Variants in ZNF548 observed in about 807,000 individuals in gnomAD.
ZNF548 encodes the protein zinc finger protein 548.
In ZNF548, 10 loss-of-function variants were observed where a neutral mutation model predicts 10.2. The observed-to-expected ratio is 0.98, with a 90% CI of 0.60 to 1.66. ZNF548 has a LOEUF of 1.66. Ranked by LOEUF, ZNF548 falls within the 40% of genes most tolerant of loss-of-function variation. The probability of loss-of-function intolerance (pLI) is 0.00; values close to 1 mark genes in which losing one functional copy is unlikely to be tolerated. For missense variants in ZNF548, 599 were observed against 657.0 expected (o/e 0.91, Z 0.97); for synonymous variants, 217 against 223.5 (o/e 0.97, Z 0.26).
chr19:57,397,230 C>G, intron 3 of ZNF548, 56 bp downstream of exon 3: 1 of 1,496,434 alleles, frequency 6.7e-7, no homozygotes, highest in Non-Finnish European at 8.9e-7. Flanking sequence ...CCCCTTTTTA[C>G]CCAAAGGCAG....
chr19:57,398,037 A>C lies in ZNF548; in HGVS notation c.179-393A>C, dbSNP rs538897362. On this transcript the variant is annotated intron_variant, in intron 3 of 3. Coordinates refer to ENST00000336128, the MANE Select transcript of ZNF548 (RefSeq NM_001172773.2). ...TGCCAACACGTGGCCTGTATTTAAC[A>C]TGGTGTGAGGTCTGCATGTATCCCT... Among the ~76,000 whole-genome samples, 4 of 152,282 alleles carry C rather than the reference A, an allele frequency of 2.6e-5. No individual in the cohort carries two copies. The East Asian group carries it at 7.7e-4, about 29-fold the overall frequency.
At chr19:57,392,823 A>G in intron 1 of ZNF548, 1 of 985,464 alleles carries the variant, frequency 1.0e-6, no homozygotes, top group Non-Finnish European at 1.2e-6. Flanking sequence ...TTGAGAGAAC[A>G]GGGGGCTGAG....
At chr19:57,398,111 A>G (rs1222643861) in intron 3 of ZNF548, among the ~76,000 whole-genome samples, 4 of 152,166 alleles carry the variant, frequency 2.6e-5, no homozygotes, top group Non-Finnish European at 5.9e-5. Flanking sequence ...TTTGGAGAGA[A>G]CCTTCTACAC....
At position 57,399,222 on chromosome 19, in the gene ZNF548, G is replaced by C; in HGVS notation, c.971G>C (p.Arg324Thr). ...ACCGGAGAAAGGCCGTATGAGTGCA[G>C]GGAATGTGGGAAATTCTTTATGGAC... The part of the protein sequence containing the change: ...VHTGERPYEC[R>T]ECGKFFMDSS... Residue 324 changes from arginine (R) to threonine (T), a missense_variant, in exon 4 of 4, where the codon AGG (arginine) becomes ACG (threonine). Arg to Thr is a moderately conservative substitution (Grantham distance 71, BLOSUM62 -1). Coordinates refer to ENST00000336128, the MANE Select transcript of ZNF548 (RefSeq NM_001172773.2). The surrounding 1 kb of genome is among the most constrained non-coding windows in gnomAD (Gnocchi z 4.0). 1 of 1,614,082 alleles carries C rather than the reference G, an allele frequency of 6.2e-7. No homozygotes were observed. The highest frequency in any genetic ancestry group is 8.5e-7 in the Non-Finnish European group (1 of 1,180,020).
intron 3 of ZNF548, 168 bp downstream of exon 3, chr19:57,397,342 C>CT: frequency 9.5e-7 from 1 of 1,055,850 alleles, no homozygotes; most frequent in Admixed American, 2.7e-5. Flanking sequence ...TTTATACCCC[C>CT]TTTTTCCTAG....
rs199925910 is a variant in ZNF548, at chr19:57,399,138, A to G, written c.887A>G (p.Asn296Ser). 2.6e-4 allele frequency: 423 copies of G among 1,602,828 alleles called. No homozygotes were observed. The highest frequency in any genetic ancestry group is 3.4e-4 in the Non-Finnish European group (404 of 1,175,852). ...VHTGERPYEC[N>S]TCGKFFRYSS... ...ACTGGAGAAAGGCCTTATGAGTGCA[A>G]CACATGTGGGAAATTCTTTCGGTAC... is the stretch of plus-strand genomic sequence containing the variant. The change falls in exon 4 of 4, where the codon AAC (asparagine) becomes AGC (serine). Residue 296 changes from asparagine to serine, a missense_variant. Physicochemically the swap from Asn to Ser is conservative, Grantham distance 46. Coordinates refer to ENST00000336128, the MANE Select transcript of ZNF548 (RefSeq NM_001172773.2). This position sits in a 1 kb window ranked among gnomAD's most constrained non-coding sequence, Gnocchi z 4.0.
In ZNF548 at chr19:57,394,228, G is replaced by C. The variant is rs1410781684; in HGVS notation, c.51+5G>C. ...GCAGAAATGGACCCTACACAGGTGA[G>C]TAGAGTGTTTCCTACTATTCACCCA... is the stretch of plus-strand genomic sequence containing the variant. On this transcript the variant is annotated splice_donor_5th_base_variant and intron_variant, in intron 2 of 3. Transcript: ENST00000336128. The C allele has an allele frequency of 1.9e-6, 3 of 1,603,132 alleles. No homozygotes were observed. Among genetic ancestry groups the C allele is most frequent in the African/African-American group, 2.7e-5 (2 of 74,888 alleles).
At position 57,399,496 on chromosome 19, in the gene ZNF548, G is replaced by A. The variant is rs377012787; in HGVS notation, c.1245G>A (p.Arg415=). Residue 415 remains arginine (R), a synonymous_variant, in exon 4 of 4, where the codon AGG becomes AGA. Coordinates refer to ENST00000336128, the MANE Select transcript of ZNF548 (RefSeq NM_001172773.2). This position sits in a 1 kb window ranked among gnomAD's most constrained non-coding sequence, Gnocchi z 4.0. ...GCAGTGAATGTGGGAAATCATTTAG[G>A]TACCACTGCAGGCTCATTAGACACC... ...YKCSECGKSF[R]YHCRLIRHQR... The A allele has an allele frequency of 1.5e-4, 241 of 1,613,778 alleles. 1 individual carries two copies. Among genetic ancestry groups the A allele is most frequent in the Non-Finnish European group, 1.8e-4 (216 of 1,179,962 alleles).
At chr19:57,390,514 G>T (rs1425632839) in intron 1 of ZNF548, 2 of 180,908 alleles carry the variant, frequency 1.1e-5, no homozygotes, top group East Asian at 2.9e-4. Flanking sequence ...GACGCGAAAA[G>T]GCCCTGAGGC....
Position 57,402,635 on chromosome 19 carries a change from A to G in ZNF548, c.*2746A>G, listed in dbSNP as rs2088726654. 6.6e-6 allele frequency: 1 copy of G among 152,378 alleles called. No homozygotes were observed. The highest frequency in any genetic ancestry group is 2.1e-4 in the South Asian group (1 of 4,828). 9.4% of individuals were successfully genotyped at this position (152,378 alleles called of 1,614,324 possible). ...GAATGTTGGAAAATCTTTAGCCATT[A>G]GCATAACCTCATTTCGTGCCAGCAT... On this transcript the variant is annotated 3_prime_UTR_variant, in exon 4 of 4. Transcript: ENST00000336128.
rs146418219 is a variant in ZNF548 at position 57,401,966 on chromosome 19, T to C, written c.*2077T>C. On this transcript the variant is annotated 3_prime_UTR_variant, in exon 4 of 4. Coordinates refer to ENST00000336128, the MANE Select transcript of ZNF548 (RefSeq NM_001172773.2). ...GTTGGCCAGGCTGGTCTTAAACTTCTGGCCTTAAGTGATCCCCCTGCCTCG... is the reference window on the plus strand; with the variant it reads ...GTTGGCCAGGCTGGTCTTAAACTTCCGGCCTTAAGTGATCCCCCTGCCTCG... 1 of 152,376 alleles carries C rather than the reference T, an allele frequency of 6.6e-6. No homozygotes were observed. Among genetic ancestry groups the C allele is most frequent in the Non-Finnish European group, 1.5e-5 (1 of 68,062 alleles). 9.4% of individuals were successfully genotyped at this position (152,376 alleles called of 1,614,324 possible).
At position 57,398,774 on chromosome 19, in the gene ZNF548, C is replaced by T. The variant is rs779110837; in HGVS notation, c.523C>T (p.Pro175Ser). 9 of 1,614,014 alleles carry T rather than the reference C, an allele frequency of 5.6e-6. No individual in the cohort carries two copies. The Admixed American group carries it at 1.3e-4, about 24-fold the overall frequency. The change falls in exon 4 of 4, where the codon CCA (proline) becomes TCA (serine). Residue 175 changes from proline (P) to serine (S), a missense_variant. Coordinates refer to ENST00000336128, the MANE Select transcript of ZNF548 (RefSeq NM_001172773.2). ...ATGCATGGAGGGCTGGAAGGACTTA[C>T]CAGCCACCTCATGCCTTCTCCAGCA... is the stretch of plus-strand genomic sequence containing the variant. The part of the protein sequence containing the change: ...FTCMEGWKDL[P>S]ATSCLLQHQG...
In ZNF548 at chr19:57,402,490, C is replaced by G. The variant is rs1486117387; in HGVS notation, c.*2601C>G. On this transcript the variant is annotated 3_prime_UTR_variant, in exon 4 of 4. Transcript: ENST00000336128. ...TTTCAGATGCAACCCTCTGTGGGACCCTACCCAAGTTCTCTCATTCTTAGC... is the reference window on the plus strand; with the variant it reads ...TTTCAGATGCAACCCTCTGTGGGACGCTACCCAAGTTCTCTCATTCTTAGC... The G allele has an allele frequency of 2.0e-5, 3 of 152,138 alleles. No individual in the cohort carries two copies. The highest frequency in any genetic ancestry group is 4.4e-5 in the Non-Finnish European group (3 of 68,022). 9.4% of individuals were successfully genotyped at this position (152,138 alleles called of 1,614,324 possible).
chr19:57,397,724 A>T (rs962039243), intron 3 of ZNF548, among the ~76,000 whole-genome samples: 5 of 152,018 alleles, frequency 3.3e-5, no homozygotes, highest in African/African-American at 7.3e-5. Flanking sequence ...GGCACCTGAG[A>T]GGGTGGATAT....
chr19:57,395,809 T>C lies in ZNF548; in HGVS notation c.52-1239T>C, dbSNP rs146438242. On this transcript the variant is annotated intron_variant, in intron 2 of 3. Coordinates refer to ENST00000336128, the MANE Select transcript of ZNF548 (RefSeq NM_001172773.2). The surrounding 1 kb of genome is among the most constrained non-coding windows in gnomAD (Gnocchi z 4.8). ...AGCTGGGCTTGGAATGAGGTTTTGGTGGAGAGCAATTTTCCTGACTGTTTA... is the reference window on the plus strand; with the variant it reads ...AGCTGGGCTTGGAATGAGGTTTTGGCGGAGAGCAATTTTCCTGACTGTTTA... Among the ~76,000 whole-genome samples the C allele has an allele frequency of 2.3e-4, 35 of 151,976 alleles. No homozygotes were observed. Among genetic ancestry groups the C allele is most frequent in the Admixed American group, 8.5e-4 (13 of 15,272 alleles).
At position 57,398,974 on chromosome 19, in the gene ZNF548, A is replaced by G; in HGVS notation, c.723A>G (p.Lys241=). The G allele has an allele frequency of 6.2e-7, 1 of 1,614,060 alleles. No homozygotes were observed. Among genetic ancestry groups the G allele is most frequent in the Non-Finnish European group, 8.5e-7 (1 of 1,179,918 alleles). The part of the protein sequence containing the change: ...HTGERSYECN[K]CGKFFKYSAN... ...GAGAAAGGTCTTATGAATGTAACAA[A>G]TGTGGGAAATTCTTTAAGTACAGTG... Residue 241 remains lysine, a synonymous_variant, in exon 4 of 4, where the codon AAA becomes AAG. Transcript: ENST00000336128.
intron 1 of ZNF548, among the ~76,000 whole-genome samples, chr19:57,391,782 G>A (rs2088626928): frequency 1.4e-5 from 2 of 142,030 alleles, no homozygotes; most frequent in Non-Finnish European, 3.0e-5. Context: ...TCTGCCCTGT[G>A]CTTACTGTTT....
Position 57,402,377 on chromosome 19 carries a change from A to G in ZNF548, c.*2488A>G, listed in dbSNP as rs998626330. ...CAGCCCAAATTACTCAAATTAGCCA[A>G]TCCATGGGGAACATGGAAAACGTAG... is the stretch of plus-strand genomic sequence containing the variant. On this transcript the variant is annotated 3_prime_UTR_variant, in exon 4 of 4. Coordinates refer to ENST00000336128, the MANE Select transcript of ZNF548 (RefSeq NM_001172773.2). 6.6e-6 allele frequency: 1 copy of G among 152,188 alleles called. No individual in the cohort carries two copies. The highest frequency in any genetic ancestry group is 2.4e-5 in the African/African-American group (1 of 41,446). The allele number at this position is 152,188 out of a possible 1,614,324, so 9.4% of individuals were successfully genotyped here. A position where few individuals can be genotyped will look rare whatever the true frequency, so the allele number is the denominator to read the frequency against.
chr19:57,398,659 G>A lies in ZNF548; in HGVS notation c.408G>A (p.Gln136=), dbSNP rs779654695. The A allele has an allele frequency of 6.2e-7, 1 of 1,614,042 alleles. No homozygotes were observed. The highest frequency in any genetic ancestry group is 8.5e-7 in the Non-Finnish European group (1 of 1,179,900). The change falls in exon 4 of 4, where the codon CAG becomes CAA. Residue 136 remains glutamine, a synonymous_variant. Coordinates refer to ENST00000336128, the MANE Select transcript of ZNF548 (RefSeq NM_001172773.2). ...CAGAGCTTTTTCAGCACCCAAAGCA[G>A]CAAATTGGAGAAAATCTTTCCAGAG... ...CEAELFQHPK[Q]QIGENLSRGD...
Sources: allele counts gnomAD v4.1 joint callset (sites outside exome capture counted in the v4.1 genomes callset), GRCh38; gene constraint gnomAD v4.1.1; non-coding constraint Gnocchi (gnomAD v3.1); transcripts MANE v1.5; gene names NCBI Gene and HGNC (gene_info 2026-07-23, HGNC 2026-07-21).